Variants in OGT observed in about 807,000 individuals in gnomAD.
OGT encodes the protein O-linked N-acetylglucosamine (GlcNAc) transferase.
In OGT, 3 loss-of-function variants were observed where a neutral mutation model predicts 75.8. That is an observed-to-expected ratio of 0.04 (90% CI 0.02 to 0.10). The LOEUF (loss-of-function observed/expected upper bound fraction) is 0.10. Ranked by LOEUF, OGT falls within the 10% of genes least tolerant of loss-of-function variation. OGT has a pLI of 1.00. For synonymous variants in OGT, 257 were observed against 289.7 expected (o/e 0.89, Z 1.15); for missense variants, 260 against 824.4 (o/e 0.32, Z 8.38).
At chrX:71,565,053 G>A (rs946017755) in intron 19 of OGT, among the ~76,000 whole-genome samples, 5 of 111,708 alleles carry the variant, frequency 4.5e-5, no homozygotes, top group African/African-American at 1.6e-4. Flanking sequence ...CAGCTACTCG[G>A]GAGGCTGAGA....
chrX:71,533,510 C>G (rs1331710773), intron 1 of OGT, among the ~76,000 whole-genome samples, 174 bp downstream of exon 1: 1 of 111,877 alleles, frequency 8.9e-6, no homozygotes, highest in Non-Finnish European at 1.9e-5. Flanking sequence ...CGCTGTTGTC[C>G]GCTTCCCGAA....
At chrX:71,534,768 C>G (rs2040163306) in intron 1 of OGT, among the ~76,000 whole-genome samples, 1 of 111,689 alleles carries the variant, frequency 9.0e-6, no homozygotes, top group Non-Finnish European at 1.9e-5. Context: ...AGCAGATAAG[C>G]GGCATTGAAA....
At chrX:71,550,628 T>C (rs1280969777) in intron 5 of OGT, among the ~76,000 whole-genome samples, 1 of 112,116 alleles carries the variant, frequency 8.9e-6, no homozygotes, top group African/African-American at 3.2e-5. Flanking sequence ...GAGTTGAGCT[T>C]CTTAACCCTT....
At chrX:71,547,870 C>T in intron 4 of OGT, 37 bp from the exon 5 acceptor site, 1 of 1,168,355 alleles carries the variant, frequency 8.6e-7, no homozygotes, top group African/African-American at 1.9e-5. Flanking sequence ...CCTTTACCTC[C>T]TTTCCCTCCC....
chrX:71,537,461 G>A (rs2040187097), intron 2 of OGT, among the ~76,000 whole-genome samples: 1 of 110,606 alleles, frequency 9.0e-6, no homozygotes. Flanking sequence ...GCCATCATGC[G>A]TGGCTAAATT....
chrX:71,540,659 AT>A (rs2040210905), intron 3 of OGT, among the ~76,000 whole-genome samples: 1 of 106,996 alleles, frequency 9.3e-6, no homozygotes, highest in African/African-American at 3.4e-5. Context: ...TTTTGGTAAG[AT>A]TTTAGTCTGT....
intron 1 of OGT, among the ~76,000 whole-genome samples, chrX:71,533,914 C>CA (rs2040154384): frequency 8.9e-6 from 1 of 111,821 alleles, no homozygotes; most frequent in Admixed American, 9.5e-5. Context: ...GGACATTGAG[C>CA]AGCACCCTGC....
intron 12 of OGT, among the ~76,000 whole-genome samples, chrX:71,558,620 G>A (rs1285517275): frequency 9.1e-6 from 1 of 110,274 alleles, no homozygotes; most frequent in Non-Finnish European, 1.9e-5. Context: ...GCCTCCCAAA[G>A]TGCTGGGATT....
chrX:71,549,788 G>C (rs892015372), intron 5 of OGT, among the ~76,000 whole-genome samples: 1 of 111,842 alleles, frequency 8.9e-6, no homozygotes. Flanking sequence ...AATTAAAAAT[G>C]ATTTTTATAA....
chrX:71,547,333 T>G, intron 4 of OGT: 1 of 716,492 alleles, frequency 1.4e-6, no homozygotes, highest in Non-Finnish European at 1.7e-6. Flanking sequence ...AAATGCCCAA[T>G]GAAAGAAGAG....
chrX:71,566,401 A>G (rs1023318862), intron 19 of OGT, among the ~76,000 whole-genome samples: 11 of 111,838 alleles, frequency 9.8e-5, no homozygotes, highest in African/African-American at 2.6e-4. Flanking sequence ...CCGCGTGGCT[A>G]TGGAGGCCTC....
intron 8 of OGT, chrX:71,556,450 G>A (rs1602148106): frequency 2.7e-6 from 1 of 365,777 alleles, no homozygotes; most frequent in East Asian, 4.2e-5. Flanking sequence ...AGTGGTGTTG[G>A]AGTGGTCAGG....
chrX:71,561,010 C>G (rs1370363023), intron 14 of OGT, among the ~76,000 whole-genome samples: 1 of 109,761 alleles, frequency 9.1e-6, no homozygotes, highest in African/African-American at 3.3e-5. Flanking sequence ...TCACTGCAAT[C>G]TTTGCCTCCC....
intron 14 of OGT, among the ~76,000 whole-genome samples, chrX:71,560,185 AG>A (rs2040372445): frequency 9.5e-6 from 1 of 104,902 alleles, no homozygotes; most frequent in Non-Finnish European, 1.9e-5. Flanking sequence ...AGGCTGAGGC[AG>A]GGGAATCGCT....
chrX:71,546,471 T>C, intron 4 of OGT: 1 of 753,930 alleles, frequency 1.3e-6, no homozygotes, highest in Non-Finnish European at 1.6e-6. Context: ...CACCGAAAAG[T>C]CACATGATGA....
At chrX:71,559,206 C>CA in intron 12 of OGT, 61 bp from the exon 13 acceptor site, 1 of 1,103,827 alleles carries the variant, frequency 9.1e-7, no homozygotes. Flanking sequence ...TGTTTTTCGT[C>CA]AGTTTTCCTA....
At chrX:71,567,235 C>A (rs1462438384) in intron 19 of OGT, among the ~76,000 whole-genome samples, 1 of 112,401 alleles carries the variant, frequency 8.9e-6, no homozygotes, top group Non-Finnish European at 1.9e-5. Flanking sequence ...CTCAGCAAAA[C>A]CCACTGCCTG....
At chrX:71,548,118 T>C in intron 5 of OGT, 95 bp downstream of exon 5, 1 of 878,805 alleles carries the variant, frequency 1.1e-6, no homozygotes, top group African/African-American at 2.0e-5. Context: ...AGTGACATTA[T>C]ATCTTTGTTT....
At chrX:71,541,743 T>C (rs148615913) in intron 3 of OGT, among the ~76,000 whole-genome samples, 344 of 110,505 alleles carry the variant, frequency 3.1e-3, no homozygotes, top group East Asian at 0.017. Context: ...TGAGAGGCAA[T>C]TGAGAATTAC....
Sources: gnomAD v4.1 joint callset for allele counts (sites outside exome capture counted in the v4.1 genomes callset) on GRCh38, gnomAD v4.1.1 for gene constraint, MANE v1.5 for transcripts, NCBI Gene and HGNC (gene_info 2026-07-23, HGNC 2026-07-21) for gene names.